Variants in MIER1 observed in about 807,000 individuals in gnomAD.
MIER1 encodes the protein MIER1 transcriptional regulator.
A neutral mutation model predicts 75.7 loss-of-function variants in MIER1; 40 were observed. That is an observed-to-expected ratio of 0.53 (90% confidence interval 0.41 to 0.69). MIER1 has a LOEUF of 0.69. Ranked by LOEUF, MIER1 falls within the 30% of genes least tolerant of loss-of-function variation. MIER1 has a pLI of 0.00. For missense variants in MIER1, 574 were observed against 680.2 expected, an observed-to-expected ratio of 0.84 and a Z score of 1.74; for synonymous variants, 213 against 223.4, an observed-to-expected ratio of 0.95 and a Z score of 0.42.
At chr1:66,968,129 A>G (rs1662805173) in intron 8 of MIER1, among the ~76,000 whole-genome samples, 1 of 152,120 alleles carries the variant, frequency 6.6e-6, no homozygotes, top group African/African-American at 2.4e-5. Context: ...TCTCATTTTG[A>G]GAATTTAAGT....
intron 3 of MIER1, among the ~76,000 whole-genome samples, chr1:66,943,386 TTTTA>T (rs1184553433): frequency 1.7e-4 from 26 of 152,338 alleles, no homozygotes; most frequent in Admixed American, 6.5e-4. Context: ...TTCTAAATGT[TTTTA>T]TTTAAATTAT....
At chr1:66,980,806 T>A (rs1184257293) in intron 12 of MIER1, among the ~76,000 whole-genome samples, 1 of 151,908 alleles carries the variant, frequency 6.6e-6, no homozygotes, top group African/African-American at 2.4e-5. Flanking sequence ...GTATCTAGTA[T>A]CAGCAAACTT....
At chr1:66,968,612 A>G (rs1006036216) in intron 8 of MIER1, among the ~76,000 whole-genome samples, 19 of 152,196 alleles carry the variant, frequency 1.2e-4, no homozygotes, top group Non-Finnish European at 2.9e-5. Context: ...ATTAGGCACC[A>G]TGCAGATTAT....
At chr1:66,960,658 T>A (rs1434885436) in intron 7 of MIER1, among the ~76,000 whole-genome samples, 1 of 152,168 alleles carries the variant, frequency 6.6e-6, no homozygotes, top group Non-Finnish European at 1.5e-5. Context: ...TTCAAAAAAA[T>A]TTTTTATGTA....
intron 3 of MIER1, among the ~76,000 whole-genome samples, chr1:66,942,671 A>C (rs138355001): frequency 9.5e-4 from 145 of 152,318 alleles, no homozygotes; most frequent in Non-Finnish European, 1.7e-3. Flanking sequence ...GTTTGTTCTA[A>C]GGAACAAGGC....
chr1:66,982,335 C>T (rs11810931), intron 13 of MIER1, among the ~76,000 whole-genome samples: 11,151 of 152,142 alleles, frequency 0.073, 503 homozygotes, highest in African/African-American at 0.12. Flanking sequence ...TATTTAAGTT[C>T]TCTTTGATAG....
chr1:66,959,743 G>A lies in MIER1; in HGVS notation c.699G>A (p.Lys233=). ...EDYIPSEDWK[K]EIMVGSMFQA... is the part of the protein sequence containing the mutation. ...ATATTCCATCAGAAGACTGGAAAAA[G>A]GTAGTTAGAACAATATTTTCCCAAA... The change falls in exon 7 of 14, where the codon AAG becomes AAA. Residue 233 remains lysine (K), a splice_region_variant and synonymous_variant. Transcript: ENST00000401041. 7.2e-7 allele frequency: 1 copy of A among 1,385,074 alleles called. No individual in the cohort carries two copies. Among genetic ancestry groups the A allele is most frequent in the Non-Finnish European group, 9.7e-7 (1 of 1,034,040 alleles). The allele number at this position is 1,385,074 out of a possible 1,614,324, so 85.8% of individuals were successfully genotyped here. A position where few individuals can be genotyped will look rare whatever the true frequency, so the allele number is the denominator to read the frequency against.
chr1:66,928,051 A>G (rs1375033129), intron 2 of MIER1, among the ~76,000 whole-genome samples: 1 of 152,102 alleles, frequency 6.6e-6, no homozygotes, highest in Admixed American at 6.5e-5. Context: ...TGTGTTACCT[A>G]TGAATTGCAG....
chr1:66,925,976 T>C (rs1433418503), intron 1 of MIER1, among the ~76,000 whole-genome samples, 166 bp from the exon 2 acceptor site: 1 of 152,236 alleles, frequency 6.6e-6, no homozygotes, highest in African/African-American at 2.4e-5. Flanking sequence ...TATCATTAGT[T>C]ACAAATTGCA....
In MIER1 at chr1:66,925,061, C is replaced by T. The variant is rs1651139659; in HGVS notation, c.33C>T (p.Ser11=). The T allele has an allele frequency of 1.9e-6, 3 of 1,548,880 alleles. No homozygotes were observed. The Middle Eastern group carries it at 5.0e-4, about 260-fold the overall frequency. Residue 11 remains serine (S), a synonymous_variant, in exon 1 of 14, where the codon AGC becomes AGT. Transcript: ENST00000401041. ...GGGCTTCTTCAGGCGGTGGCGGCAG[C>T]AGCGAAGGTGGCGGCGGCAGCAGCG... The part of the protein sequence containing the change: MDGASSGGGG[S]SEGGGGSSGS...
intron 7 of MIER1, among the ~76,000 whole-genome samples, chr1:66,962,496 G>A (rs1373268468): frequency 1.3e-5 from 2 of 152,052 alleles, no homozygotes; most frequent in South Asian, 2.1e-4. Flanking sequence ...GTAGGTTTGG[G>A]GTGGGACCTG....
At chr1:66,940,253 G>T (rs951051986) in intron 3 of MIER1, 85 of 289,156 alleles carry the variant, frequency 2.9e-4, no homozygotes, top group Middle Eastern at 1.0e-3. Flanking sequence ...TCCTAAAAAT[G>T]ACTATTTTTG....
chr1:66,976,806 T>A (rs1664811863), intron 12 of MIER1, 84 bp downstream of exon 12: 1 of 1,214,292 alleles, frequency 8.2e-7, no homozygotes, highest in Non-Finnish European at 1.1e-6. Flanking sequence ...ATTATTTTGA[T>A]AATCTTGCTT....
intron 2 of MIER1, among the ~76,000 whole-genome samples, chr1:66,930,941 G>A (rs1653125896): frequency 6.6e-6 from 1 of 152,112 alleles, no homozygotes; most frequent in Non-Finnish European, 1.5e-5. Context: ...CCGCAATCCA[G>A]CCCTCCAGGT....
At chr1:66,929,007 G>A (rs1652471008) in intron 2 of MIER1, 15 of 1,207,636 alleles carry the variant, frequency 1.2e-5, no homozygotes, top group Non-Finnish European at 1.8e-5. Flanking sequence ...ATCTGTAAAT[G>A]CAGTTTATTC....
intron 7 of MIER1, among the ~76,000 whole-genome samples, chr1:66,960,897 A>G (rs1661121027): frequency 6.6e-6 from 1 of 152,190 alleles, no homozygotes; most frequent in Non-Finnish European, 1.5e-5. Context: ...GGGAGTCCTT[A>G]TAAATTGCTG....
intron 3 of MIER1, among the ~76,000 whole-genome samples, chr1:66,942,199 A>C (rs530754438): frequency 6.6e-6 from 1 of 152,326 alleles, no homozygotes; most frequent in East Asian, 1.9e-4. Flanking sequence ...TACTCATGTA[A>C]AAAATTTTTC....
intron 4 of MIER1, among the ~76,000 whole-genome samples, chr1:66,955,340 T>TTG (rs1659888343): frequency 3.0e-5 from 4 of 135,220 alleles, no homozygotes; most frequent in South Asian, 2.5e-4. Context: ...ACCTGAGTTT[T>TTG]TTTTTTTTTT....
At chr1:66,934,119 T>C (rs1479141539) in intron 2 of MIER1, among the ~76,000 whole-genome samples, 1 of 152,188 alleles carries the variant, frequency 6.6e-6, no homozygotes, top group African/African-American at 2.4e-5. Flanking sequence ...TTTTTGCAAA[T>C]TGAGATTTTT....
Sources: allele counts gnomAD v4.1 joint callset (sites outside exome capture counted in the v4.1 genomes callset), GRCh38; gene constraint gnomAD v4.1.1; transcripts MANE v1.5; gene names NCBI Gene and HGNC (gene_info 2026-07-23, HGNC 2026-07-21).